GULP1: variants seen among roughly 807,000 people sequenced by gnomAD.
GULP1 encodes PTB domain-containing engulfment adapter protein 1.
In GULP1, 19 loss-of-function variants were observed where a neutral mutation model predicts 40.9. The ratio of observed to expected loss-of-function variants is 0.46; its 90% confidence interval spans 0.32 to 0.68. GULP1 has a LOEUF of 0.68. Among genes scored for constraint, GULP1 ranks in the 30% least tolerant of loss-of-function variants. GULP1 has a pLI of 0.03. For synonymous variants in GULP1, 119 were observed against 117.6 expected (o/e 1.01, Z -0.08); for missense variants, 312 against 362.2 (o/e 0.86, Z 1.12).
At chr2:188,583,800 C>A (rs1701806109) in intron 9 of GULP1, among the ~76,000 whole-genome samples, 1 of 152,088 alleles carries the variant, frequency 6.6e-6, no homozygotes, top group Non-Finnish European at 1.5e-5. Context: ...CAAAAAAAAT[C>A]AATTGCATTT....
intron 2 of GULP1, among the ~76,000 whole-genome samples, chr2:188,419,959 TCC>T (rs1271621128): frequency 6.6e-6 from 1 of 152,216 alleles, no homozygotes; most frequent in Non-Finnish European, 1.5e-5. Flanking sequence ...GAAGAGAGTA[TCC>T]TTTCTTCATT....
intron 9 of GULP1, among the ~76,000 whole-genome samples, chr2:188,579,327 A>G (rs1389486442): frequency 2.0e-5 from 3 of 152,204 alleles, no homozygotes; most frequent in East Asian, 1.9e-4. Flanking sequence ...TAGATTTCCT[A>G]ACTTCTGGAG....
intron 2 of GULP1, among the ~76,000 whole-genome samples, chr2:188,448,236 A>G (rs1321371259): frequency 6.6e-6 from 1 of 152,214 alleles, no homozygotes; most frequent in African/African-American, 2.4e-5. Context: ...AATAATATCT[A>G]GTTTTAGGAA....
At chr2:188,408,955 A>G (rs2053504816) in intron 2 of GULP1, among the ~76,000 whole-genome samples, 1 of 152,212 alleles carries the variant, frequency 6.6e-6, no homozygotes, top group African/African-American at 2.4e-5. Context: ...TGAAAATGGA[A>G]GCACAATATA....
At chr2:188,345,926 G>A (rs2043588642) in intron 1 of GULP1, among the ~76,000 whole-genome samples, 1 of 152,146 alleles carries the variant, frequency 6.6e-6, no homozygotes, top group South Asian at 2.1e-4. Context: ...CTGATGTTAT[G>A]GGAAGAGGAC....
intron 4 of GULP1, among the ~76,000 whole-genome samples, chr2:188,495,616 T>G (rs1439379521): frequency 6.6e-6 from 1 of 152,068 alleles, no homozygotes; most frequent in Non-Finnish European, 1.5e-5. Context: ...CTCATCGAAA[T>G]GAATTAAAAG....
At chr2:188,575,967 G>T (rs753818705) in intron 9 of GULP1, among the ~76,000 whole-genome samples, 14 of 152,076 alleles carry the variant, frequency 9.2e-5, no homozygotes, top group Non-Finnish European at 2.1e-4. Flanking sequence ...TGAAAGTAGA[G>T]CTTGCAAAAT....
chr2:188,534,133 C>T (rs1426421711), intron 6 of GULP1, among the ~76,000 whole-genome samples: 2 of 152,110 alleles, frequency 1.3e-5, no homozygotes, highest in East Asian at 3.9e-4. Flanking sequence ...GTTGTATATA[C>T]TTGGTATATA....
chr2:188,520,647 G>A (rs1303815729), intron 4 of GULP1, among the ~76,000 whole-genome samples: 1 of 151,930 alleles, frequency 6.6e-6, no homozygotes, highest in African/African-American at 2.4e-5. Flanking sequence ...ATCAGAAAGG[G>A]AACACCAGTT....
At chr2:188,511,114 G>A (rs935420202) in intron 4 of GULP1, among the ~76,000 whole-genome samples, 13 of 152,142 alleles carry the variant, frequency 8.5e-5, no homozygotes, top group Admixed American at 4.6e-4. Context: ...GCGAGGCTAT[G>A]AAAGGCAGAG....
intron 1 of GULP1, among the ~76,000 whole-genome samples, chr2:188,324,599 A>G (rs542936449): frequency 6.6e-6 from 1 of 152,098 alleles, no homozygotes; most frequent in South Asian, 2.1e-4. Flanking sequence ...TTTAAGAAAT[A>G]TTTAAAAAGT....
intron 2 of GULP1, among the ~76,000 whole-genome samples, chr2:188,424,630 A>G (rs941822766): frequency 2.0e-5 from 3 of 151,918 alleles, no homozygotes; most frequent in African/African-American, 7.2e-5. Context: ...CAAATTCCCA[A>G]TTGTCTCATC....
chr2:188,405,175 C>A (rs1257811718), intron 2 of GULP1, among the ~76,000 whole-genome samples: 1 of 152,090 alleles, frequency 6.6e-6, no homozygotes, highest in African/African-American at 2.4e-5. Flanking sequence ...TGCTTGCAGA[C>A]CTATCCTCTA....
intron 6 of GULP1, among the ~76,000 whole-genome samples, chr2:188,539,401 A>G (rs879440592): frequency 6.6e-6 from 1 of 152,156 alleles, no homozygotes; most frequent in African/African-American, 2.4e-5. Context: ...AAAACAAAAA[A>G]AAATCAATAA....
intron 2 of GULP1, among the ~76,000 whole-genome samples, chr2:188,388,853 TGA>T (rs1297970949): frequency 6.6e-6 from 1 of 152,112 alleles, no homozygotes; most frequent in Non-Finnish European, 1.5e-5. Context: ...TAAAGACTAG[TGA>T]GTAATAATTA....
rs1330238100 is a variant in GULP1, at chr2:188,589,769, T to C, written c.843+1820T>C. 4 of 1,294,152 alleles carry C rather than the reference T, an allele frequency of 3.1e-6. No individual in the cohort carries two copies. The South Asian group carries it at 5.0e-5, about 16-fold the overall frequency. The allele number at this position is 1,294,152 out of a possible 1,614,324, so 80.2% of individuals were successfully genotyped here. Reference sequence around the variant, plus strand: ...AGAGATGGTTGGTATATTATTTTTATAATAATTTTAAACAACTTACAAATT... The same window carrying C: ...AGAGATGGTTGGTATATTATTTTTACAATAATTTTAAACAACTTACAAATT... On this transcript the variant is annotated intron_variant, in intron 11 of 11. Coordinates refer to ENST00000409830, the MANE Select transcript of GULP1 (RefSeq NM_016315.4).
At chr2:188,477,019 C>T (rs2061068983) in intron 2 of GULP1, among the ~76,000 whole-genome samples, 1 of 152,044 alleles carries the variant, frequency 6.6e-6, no homozygotes, top group South Asian at 2.1e-4. Flanking sequence ...AGTGAATACA[C>T]TACAGAACAG....
At chr2:188,424,952 A>G (rs1233030299) in intron 2 of GULP1, among the ~76,000 whole-genome samples, 1 of 151,976 alleles carries the variant, frequency 6.6e-6, no homozygotes, top group Admixed American at 6.6e-5. Flanking sequence ...TTCTTTTGGC[A>G]AGTCTATTTC....
chr2:188,434,811 T>C (rs865893157), intron 2 of GULP1, among the ~76,000 whole-genome samples: 8 of 151,944 alleles, frequency 5.3e-5, no homozygotes, highest in Non-Finnish European at 1.0e-4. Context: ...TTTGAAAAAT[T>C]AGGCTAGAGT....
Sources: gnomAD v4.1 joint callset for allele counts (sites outside exome capture counted in the v4.1 genomes callset) on GRCh38, gnomAD v4.1.1 for gene constraint, MANE v1.5 for transcripts, NCBI Gene and HGNC (gene_info 2026-07-23, HGNC 2026-07-21) for gene names.